The following SPHKAP variants were observed in gnomAD, a reference collection of about 807,000 sequenced individuals.
SPHKAP encodes A-kinase anchor protein SPHKAP.
Under a neutral mutation model 137.5 loss-of-function variants are expected in SPHKAP, and 67 were observed. The ratio of observed to expected loss-of-function variants is 0.49; its 90% CI spans 0.40 to 0.60. The LOEUF is 0.60. SPHKAP is among the 20% of genes least tolerant of loss of function. The probability of loss-of-function intolerance (pLI) is 0.00; values close to 1 mark genes in which losing one functional copy is unlikely to be tolerated. For missense variants in SPHKAP, 2,097 were observed against 2,069.3 expected, an observed-to-expected ratio of 1.01 and a Z score of -0.26; for synonymous variants, 813 against 785.3, an observed-to-expected ratio of 1.04 and a Z score of -0.59.
intron 1 of SPHKAP, among the ~76,000 whole-genome samples, chr2:228,166,233 A>G (rs1385015032): frequency 6.6e-6 from 1 of 152,230 alleles, no homozygotes; most frequent in Non-Finnish European, 1.5e-5. Flanking sequence ...GAAAATTATG[A>G]TCTATTAATC....
chr2:228,128,109 G>A (rs532456795), intron 2 of SPHKAP, among the ~76,000 whole-genome samples: 6 of 152,196 alleles, frequency 3.9e-5, no homozygotes, highest in Middle Eastern at 3.4e-3. Context: ...AATGAACGTC[G>A]CCACATTGAT....
chr2:228,131,359 C>T, intron 2 of SPHKAP: 4 of 959,808 alleles, frequency 4.2e-6, no homozygotes, highest in Non-Finnish European at 5.0e-6. Flanking sequence ...AGATGGGGAA[C>T]CAGGATCGTG....
chr2:228,101,471 C>T (rs907498449), intron 3 of SPHKAP, among the ~76,000 whole-genome samples: 1 of 152,172 alleles, frequency 6.6e-6, no homozygotes, highest in East Asian at 1.9e-4. Context: ...GTTTATTTCA[C>T]TATTCCTATA....
chr2:228,063,649 G>A (rs989712876), intron 3 of SPHKAP, among the ~76,000 whole-genome samples: 2 of 152,194 alleles, frequency 1.3e-5, no homozygotes, highest in African/African-American at 4.8e-5. Context: ...TGATACTGCT[G>A]AGTAAACTGG....
chr2:228,072,093 A>G (rs1311178817), intron 3 of SPHKAP, among the ~76,000 whole-genome samples: 1 of 152,190 alleles, frequency 6.6e-6, no homozygotes, highest in African/African-American at 2.4e-5. Flanking sequence ...GGAAGGGTGA[A>G]TCTGCTCTCT....
At chr2:228,089,557 A>G (rs1237045248) in intron 3 of SPHKAP, among the ~76,000 whole-genome samples, 1 of 152,242 alleles carries the variant, frequency 6.6e-6, no homozygotes, top group Non-Finnish European at 1.5e-5. Context: ...AGGAAGCCAA[A>G]TGCTAATATC....
At chr2:228,097,654 T>A (rs949478874) in intron 3 of SPHKAP, among the ~76,000 whole-genome samples, 2 of 152,172 alleles carry the variant, frequency 1.3e-5, no homozygotes, top group African/African-American at 4.8e-5. Flanking sequence ...ATCTCTTGCC[T>A]CTTCCCACAC....
rs142438470 is a variant in SPHKAP, at chr2:227,997,110, A to T, written c.4449-1416T>A. ...CTTAACCCTGGTGCCAGATTAAAGTACCTAAAGCATATTGTTGGTTGCTCT... is the reference window on the plus strand; with the variant it reads ...CTTAACCCTGGTGCCAGATTAAAGTTCCTAAAGCATATTGTTGGTTGCTCT... On this transcript the variant is annotated intron_variant, in intron 7 of 11. Coordinates refer to ENST00000392056, the MANE Select transcript of SPHKAP (RefSeq NM_001142644.2). Among the ~76,000 whole-genome samples, 600 of 152,328 alleles carry T rather than the reference A, an allele frequency of 3.9e-3. 4 individuals are homozygous for T. Among genetic ancestry groups the T allele is most frequent in the African/African-American group, 0.013 (561 of 41,578 alleles).
At chr2:227,987,807 G>A (rs1235080745) in intron 11 of SPHKAP, among the ~76,000 whole-genome samples, 1 of 152,112 alleles carries the variant, frequency 6.6e-6, no homozygotes, top group African/African-American at 2.4e-5. Context: ...TTTTCACAAG[G>A]CAAGAAGGTT....
intron 3 of SPHKAP, among the ~76,000 whole-genome samples, chr2:228,056,585 A>AG (rs1696453093): frequency 1.5e-5 from 2 of 135,492 alleles, no homozygotes; most frequent in Non-Finnish European, 3.0e-5. Flanking sequence ...TAAATGAGCA[A>AG]AAAAAAAAAA....
At chr2:228,158,459 A>T (rs1700177003) in intron 1 of SPHKAP, among the ~76,000 whole-genome samples, 2 of 151,976 alleles carry the variant, frequency 1.3e-5, no homozygotes, top group African/African-American at 4.8e-5. Context: ...AGACAAGTTT[A>T]AATTGTGTCC....
At chr2:228,076,723 T>A (rs918555992) in intron 3 of SPHKAP, among the ~76,000 whole-genome samples, 3 of 152,114 alleles carry the variant, frequency 2.0e-5, no homozygotes, top group Non-Finnish European at 4.4e-5. Flanking sequence ...AGCATAAAAG[T>A]TTGGAAAATT....
In SPHKAP at chr2:228,020,174, A is replaced by AG; in HGVS notation, c.698-19dup. 1 of 1,562,460 alleles carries AG rather than the reference A, an allele frequency of 6.4e-7. No individual in the cohort carries two copies. Among genetic ancestry groups the AG allele is most frequent in the Non-Finnish European group, 8.6e-7 (1 of 1,160,664 alleles). On this transcript the variant is annotated intron_variant, in intron 6 of 11. Coordinates refer to ENST00000392056, the MANE Select transcript of SPHKAP (RefSeq NM_001142644.2). ...TTCATAATCTAGTGAGGAGAAAATG[A>AG]GGGGCACTATTACTTTTTGGATAGC... is the stretch of plus-strand genomic sequence containing the variant.
In SPHKAP at chr2:228,038,969, A is replaced by T. The variant is rs914152402; in HGVS notation, c.247-11426T>A. 4.6e-5 allele frequency among the ~76,000 whole-genome samples: 7 copies of T among 152,374 alleles called. No homozygotes were observed. In the East Asian group the frequency reaches 1.3e-3, roughly 29 times the overall value. ...CCAGCTATTGGCTACCATTTCCAGT[A>T]CTTAGATTGGCTTCGTTTTCTCACA... On this transcript the variant is annotated intron_variant, in intron 3 of 11. Transcript: ENST00000392056.
chr2:228,113,187 T>C (rs201386063), intron 2 of SPHKAP, among the ~76,000 whole-genome samples: 1 of 131,018 alleles, frequency 7.6e-6, no homozygotes, highest in Non-Finnish European at 1.7e-5. Context: ...AAATAAGATA[T>C]ATTTTTCCAT....
At chr2:228,025,643 A>C in intron 4 of SPHKAP, 115 bp from the exon 5 acceptor site, 1 of 1,208,224 alleles carries the variant, frequency 8.3e-7, no homozygotes, top group Non-Finnish European at 1.1e-6. Context: ...TAGACTGCTT[A>C]ATCTACCAAG....
chr2:228,176,867 C>G (rs141394594), intron 1 of SPHKAP, among the ~76,000 whole-genome samples: 2 of 152,156 alleles, frequency 1.3e-5, no homozygotes, highest in Non-Finnish European at 2.9e-5. Context: ...AAGAGCGAAA[C>G]TCCGTCTCAA....
chr2:228,143,233 A>T (rs1699660325), intron 1 of SPHKAP, among the ~76,000 whole-genome samples: 1 of 152,118 alleles, frequency 6.6e-6, no homozygotes, highest in Non-Finnish European at 1.5e-5. Context: ...TATTGATATG[A>T]ATGTATTATT....
At chr2:227,997,762 T>C (rs574835707) in intron 7 of SPHKAP, among the ~76,000 whole-genome samples, 13 of 152,298 alleles carry the variant, frequency 8.5e-5, no homozygotes, top group African/African-American at 3.1e-4. Context: ...GCTTCCTGAG[T>C]CACATTCTAG....
Sources: gnomAD v4.1 joint callset for allele counts (sites outside exome capture counted in the v4.1 genomes callset) on GRCh38, gnomAD v4.1.1 for gene constraint, MANE v1.5 for transcripts, NCBI Gene and HGNC (gene_info 2026-07-23, HGNC 2026-07-21) for gene names.